Variants in ABHD2 observed in about 807,000 individuals in gnomAD.
ABHD2 encodes monoacylglycerol lipase ABHD2.
In ABHD2, 20 loss-of-function variants were observed where a neutral mutation model predicts 48.1. The observed-to-expected ratio is 0.42, with a 90% CI of 0.29 to 0.60. The LOEUF (loss-of-function observed/expected upper bound fraction) is 0.60, where lower values mean the gene tolerates loss of function less well. ABHD2 is among the 20% of genes least tolerant of loss of function. The pLI, the probability that ABHD2 is intolerant of heterozygous loss-of-function variation, is 0.24. For missense variants in ABHD2, 405 were observed against 550.9 expected (o/e 0.74, Z 2.65); for synonymous variants, 209 against 214.2 (o/e 0.98, Z 0.21).
At chr15:89,044,723 C>T in the ABHD2 span, among the ~76,000 whole-genome samples, 154 of 152,096 alleles carry the variant, frequency 1.0e-3, no homozygotes, top group African/African-American at 3.4e-3. Context: ...TGTCTGTTCA[C>T]GTCCTTCGCC....
At chr15:89,135,784 C>T in intron 3 of ABHD2, 1 of 857,652 alleles carries the variant, frequency 1.2e-6, no homozygotes, top group Non-Finnish European at 2.0e-6. Flanking sequence ...ACATCTCTCC[C>T]AGTTTCTTTG....
the ABHD2 span, among the ~76,000 whole-genome samples, chr15:89,072,575 G>C: frequency 6.8e-6 from 1 of 147,416 alleles, no homozygotes; most frequent in African/African-American, 2.5e-5. Flanking sequence ...GAAGGGGAAG[G>C]GGAGGGAAGA....
intron 1 of ABHD2, among the ~76,000 whole-genome samples, chr15:89,112,416 A>T (rs1439528163): frequency 6.6e-6 from 1 of 152,000 alleles, no homozygotes; most frequent in Non-Finnish European, 1.5e-5. Flanking sequence ...CCTGTTTTTC[A>T]TTTGGCAGCC....
At chr15:89,056,559 C>T in the ABHD2 span, among the ~76,000 whole-genome samples, 5 of 152,082 alleles carry the variant, frequency 3.3e-5, no homozygotes, top group African/African-American at 4.8e-5. Flanking sequence ...AGGAGAATGA[C>T]GTGAACCCGG....
At chr15:89,136,510 C>T (rs950912350) in intron 3 of ABHD2, 1 of 383,978 alleles carries the variant, frequency 2.6e-6, no homozygotes, top group Non-Finnish European at 5.2e-6. Flanking sequence ...AGTTATTTTT[C>T]CTCAGCAAGG....
rs2050037845 is a variant in ABHD2, at chr15:89,120,791, T to G, written c.194+4270T>G. 6.6e-6 allele frequency: 1 copy of G among 152,110 alleles called. No individual in the cohort carries two copies. Among genetic ancestry groups the G allele is most frequent in the African/African-American group, 2.4e-5 (1 of 41,406 alleles). 9.4% of individuals were successfully genotyped at this position (152,110 alleles called of 1,614,324 possible). On this transcript the variant is annotated intron_variant, in intron 3 of 10. Coordinates refer to ENST00000352732, the MANE Select transcript of ABHD2 (RefSeq NM_152924.5). The surrounding 1 kb of genome is among the most constrained non-coding windows in gnomAD (Gnocchi z 4.2). ...TGAGCCACCACACTGGCCCTATAGC[T>G]CTTTTGGAATTTGTCTAACAGGTTT... is the stretch of plus-strand genomic sequence containing the variant.
chr15:89,137,987 T>C lies in ABHD2; in HGVS notation c.195-13690T>C, dbSNP rs1413336428. ...CCTAGTGGAGAAGGGTGAAGCCCAG[T>C]GGGATGGGCTCACGAAGGACCTGCT... On this transcript the variant is annotated intron_variant, in intron 3 of 10. Coordinates refer to ENST00000352732, the MANE Select transcript of ABHD2 (RefSeq NM_152924.5). The surrounding 1 kb of genome is among the most constrained non-coding windows in gnomAD (Gnocchi z 4.8). 6.6e-6 allele frequency among the ~76,000 whole-genome samples: 1 copy of C among 152,116 alleles called. No homozygotes were observed. Among genetic ancestry groups the C allele is most frequent in the Admixed American group, 6.5e-5 (1 of 15,282 alleles).
the ABHD2 span, among the ~76,000 whole-genome samples, chr15:89,042,012 A>G: frequency 1.3e-5 from 2 of 152,158 alleles, no homozygotes; most frequent in Admixed American, 6.5e-5. Context: ...CTTATCCATC[A>G]CCATCACCAT....
chr15:89,102,772 C>T lies in ABHD2; in HGVS notation c.-106-10953C>T, dbSNP rs1237837395. The stretch of plus-strand genomic sequence containing the variant: ...AGCTATCTGCTTCATGTGGGGCGCT[C>T]CTGCTCTGCAGTGTAGAGTATTTTT... On this transcript the variant is annotated intron_variant, in intron 1 of 10. Coordinates refer to ENST00000352732, the MANE Select transcript of ABHD2 (RefSeq NM_152924.5). This position sits in a 1 kb window ranked among gnomAD's most constrained non-coding sequence, Gnocchi z 4.8. Among the ~76,000 whole-genome samples the T allele has an allele frequency of 6.6e-6, 1 of 152,200 alleles. No individual in the cohort carries two copies. The highest frequency in any genetic ancestry group is 1.5e-5 in the Non-Finnish European group (1 of 68,040).
chr15:89,095,040 G>T, intron 1 of ABHD2, among the ~76,000 whole-genome samples: 1 of 148,564 alleles, frequency 6.7e-6, no homozygotes, highest in African/African-American at 2.5e-5. Flanking sequence ...CTCCAGCCTG[G>T]GTGACAGAGC....
At chr15:89,191,254 T>C in intron 9 of ABHD2, 105 bp downstream of exon 9, 1 of 1,169,928 alleles carries the variant, frequency 8.5e-7, no homozygotes, top group Non-Finnish European at 1.2e-6. Context: ...TCAGCTGGAA[T>C]CTGGCTCCAA....
chr15:89,160,580 A>G (rs1285252653), intron 5 of ABHD2, among the ~76,000 whole-genome samples: 22 of 151,634 alleles, frequency 1.5e-4, no homozygotes, highest in Admixed American at 1.3e-3. Context: ...AAGATGGACT[A>G]GATTATGCTG....
chr15:89,107,001 C>T (rs150798330), intron 1 of ABHD2, among the ~76,000 whole-genome samples: 64 of 152,310 alleles, frequency 4.2e-4, no homozygotes, highest in Non-Finnish European at 7.9e-4. Context: ...CTTCTCCTGA[C>T]ATCCTCACAG....
chr15:89,081,120 C>T, the ABHD2 span, among the ~76,000 whole-genome samples: 5 of 151,536 alleles, frequency 3.3e-5, no homozygotes, highest in African/African-American at 1.2e-4. Context: ...CTACCTCAGC[C>T]TCCCAAGTAG....
intron 3 of ABHD2, among the ~76,000 whole-genome samples, chr15:89,123,850 C>T (rs1420318914): frequency 2.0e-5 from 3 of 152,138 alleles, no homozygotes; most frequent in Non-Finnish European, 4.4e-5. Context: ...GCTAGCGATC[C>T]TCCAGCCTCA....
chr15:89,118,449 A>C (rs1379023750), intron 3 of ABHD2, among the ~76,000 whole-genome samples: 4 of 152,176 alleles, frequency 2.6e-5, no homozygotes, highest in South Asian at 4.1e-4. Context: ...TGGGATTACA[A>C]GCATGAGCCA....
chr15:89,167,962 ACTTC>A lies in ABHD2; in HGVS notation c.539-7845_539-7842del, dbSNP rs1255522962. Among the ~76,000 whole-genome samples, 1 of 152,148 alleles carries A rather than the reference ACTTC, an allele frequency of 6.6e-6. No homozygotes were observed. The highest frequency in any genetic ancestry group is 1.5e-5 in the Non-Finnish European group (1 of 68,038). ...TGTGCCTTTATTCCAGACGATTCAAACTTCCTTCTTATCCACCTGACATTTTGTG... is the reference window on the plus strand; with the variant it reads ...TGTGCCTTTATTCCAGACGATTCAAACTTCTTATCCACCTGACATTTTGTG... On this transcript the variant is annotated intron_variant, in intron 5 of 10. Coordinates refer to ENST00000352732, the MANE Select transcript of ABHD2 (RefSeq NM_152924.5). This position sits in a 1 kb window ranked among gnomAD's most constrained non-coding sequence, Gnocchi z 5.5.
the ABHD2 span, among the ~76,000 whole-genome samples, chr15:89,059,372 C>T: frequency 6.6e-6 from 1 of 152,194 alleles, no homozygotes; most frequent in East Asian, 1.9e-4. Context: ...GAAATCCAAA[C>T]TGGCTATTTA....
chr15:89,058,749 C>A, the ABHD2 span, among the ~76,000 whole-genome samples: 1 of 152,148 alleles, frequency 6.6e-6, no homozygotes, highest in South Asian at 2.1e-4. Flanking sequence ...GCAGGAAAGA[C>A]CTCACTCTTC....
Sources: gnomAD v4.1 joint callset for allele counts (sites outside exome capture counted in the v4.1 genomes callset) on GRCh38, gnomAD v4.1.1 for gene constraint, Gnocchi (gnomAD v3.1) non-coding constraint, MANE v1.5 for transcripts, NCBI Gene and HGNC (gene_info 2026-07-23, HGNC 2026-07-21) for gene names.